Variants in MACROD2 observed in about 807,000 individuals in gnomAD.
MACROD2 encodes mono-ADP ribosylhydrolase 2.
MACROD2 carries 36 observed loss-of-function variants against 70.4 expected under a neutral mutation model. The ratio of observed to expected loss-of-function variants is 0.51; its 90% CI spans 0.39 to 0.68. The LOEUF (loss-of-function observed/expected upper bound fraction) is 0.68, where lower values mean the gene tolerates loss of function less well. Among genes scored for constraint, MACROD2 ranks in the 30% least tolerant of loss-of-function variants. MACROD2 has a pLI of 0.00. For synonymous variants in MACROD2, 172 were observed against 178.8 expected (o/e 0.96, Z 0.30); for missense variants, 496 against 538.4 (o/e 0.92, Z 0.78).
At chr20:14,764,462 G>T (rs1465562328) in intron 5 of MACROD2, among the ~76,000 whole-genome samples, 1 of 151,980 alleles carries the variant, frequency 6.6e-6, no homozygotes, top group African/African-American at 2.4e-5. Flanking sequence ...GATTCCATGT[G>T]TCTTTTTTTG....
chr20:14,377,762 T>A (rs1364877212), intron 3 of MACROD2, among the ~76,000 whole-genome samples: 1 of 152,202 alleles, frequency 6.6e-6, no homozygotes, highest in Non-Finnish European at 1.5e-5. Context: ...ACTTACAGAC[T>A]TTTTTTGCAA....
intron 6 of MACROD2, among the ~76,000 whole-genome samples, chr20:15,347,243 C>A (rs2078176891): frequency 6.6e-6 from 1 of 152,016 alleles, no homozygotes; most frequent in Non-Finnish European, 1.5e-5. Context: ...CTTTAATGAC[C>A]CTTGGCTTGA....
intron 10 of MACROD2, among the ~76,000 whole-genome samples, chr20:15,895,213 T>C (rs2064952367): frequency 6.6e-6 from 1 of 152,234 alleles, no homozygotes; most frequent in Non-Finnish European, 1.5e-5. Context: ...TCAGTTGCTT[T>C]GTTTAGGAAC....
intron 3 of MACROD2, among the ~76,000 whole-genome samples, chr20:14,088,638 G>A (rs2054112379): frequency 6.6e-6 from 1 of 152,004 alleles, no homozygotes; most frequent in Non-Finnish European, 1.5e-5. Flanking sequence ...AGATAACATT[G>A]AATTTGCCAC....
At chr20:14,912,188 A>C (rs536154505) in intron 5 of MACROD2, among the ~76,000 whole-genome samples, 1 of 152,158 alleles carries the variant, frequency 6.6e-6, no homozygotes, top group Non-Finnish European at 1.5e-5. Context: ...AAGGAGGGAG[A>C]GTAGCAGCTT....
At chr20:14,678,334 G>A (rs1316828672) in intron 4 of MACROD2, among the ~76,000 whole-genome samples, 1 of 152,154 alleles carries the variant, frequency 6.6e-6, no homozygotes, top group Non-Finnish European at 1.5e-5. Flanking sequence ...GGGAAGTACT[G>A]TCTTGCTCAT....
intron 5 of MACROD2, among the ~76,000 whole-genome samples, chr20:14,848,986 C>T (rs2073171656): frequency 6.6e-6 from 1 of 152,134 alleles, no homozygotes. Flanking sequence ...AGCATTCTGT[C>T]TCACTGAGAC....
rs1601494586 is a variant in MACROD2 at position 14,332,756 on chromosome 20, A to C, written c.272-160723A>C. ...GTAAAACCTTGAGACTAAAGAAAAC[A>C]CATGCCTAAACAAATGTATCCAACT... On this transcript the variant is annotated intron_variant, in intron 3 of 17. Transcript: ENST00000684519. 2.0e-5 allele frequency among the ~76,000 whole-genome samples: 3 copies of C among 152,262 alleles called. No homozygotes were observed. The East Asian group carries it at 5.8e-4, about 29-fold the overall frequency.
At chr20:15,536,897 G>C (rs2047882515) in intron 8 of MACROD2, among the ~76,000 whole-genome samples, 1 of 152,090 alleles carries the variant, frequency 6.6e-6, no homozygotes, top group African/African-American at 2.4e-5. Context: ...TCTTTGTATA[G>C]TCAGCAAAGG....
intron 5 of MACROD2, among the ~76,000 whole-genome samples, chr20:15,118,055 T>C (rs1047339299): frequency 1.3e-5 from 2 of 152,118 alleles, no homozygotes; most frequent in African/African-American, 4.8e-5. Context: ...ATGGGTACCC[T>C]TTTATGTTGC....
chr20:15,054,494 A>C (rs2075467287), intron 5 of MACROD2, among the ~76,000 whole-genome samples: 1 of 152,190 alleles, frequency 6.6e-6, no homozygotes, highest in South Asian at 2.1e-4. Context: ...TTTAGTAATA[A>C]AGTATTTTTT....
intron 15 of MACROD2, among the ~76,000 whole-genome samples, chr20:15,993,012 T>G (rs2066578681): frequency 6.6e-6 from 1 of 152,190 alleles, no homozygotes; most frequent in South Asian, 2.1e-4. Flanking sequence ...TTCAGAAAAT[T>G]AACCTTCTCT....
chr20:15,365,335 C>T (rs2045393406), intron 6 of MACROD2, among the ~76,000 whole-genome samples: 1 of 152,084 alleles, frequency 6.6e-6, no homozygotes, highest in African/African-American at 2.4e-5. Context: ...TGGAGCCTCT[C>T]TATCCAAACT....
intron 15 of MACROD2, among the ~76,000 whole-genome samples, chr20:16,021,035 A>G (rs538103378): frequency 2.0e-4 from 30 of 152,090 alleles, no homozygotes; most frequent in Non-Finnish European, 4.3e-4. Flanking sequence ...TCATCCACCA[A>G]CTGAATCAGT....
At chr20:15,289,749 A>G (rs945661850) in intron 6 of MACROD2, among the ~76,000 whole-genome samples, 1 of 152,246 alleles carries the variant, frequency 6.6e-6, no homozygotes, top group African/African-American at 2.4e-5. Flanking sequence ...GTAGAGGATC[A>G]TTTGAAAGAG....
At chr20:14,630,094 G>C (rs1984425520) in intron 4 of MACROD2, among the ~76,000 whole-genome samples, 1 of 152,088 alleles carries the variant, frequency 6.6e-6, no homozygotes, top group Non-Finnish European at 1.5e-5. Context: ...ACTTGTCTGA[G>C]ATTTCCTGGC....
At chr20:14,886,883 C>T (rs891777495) in intron 5 of MACROD2, among the ~76,000 whole-genome samples, 26 of 152,230 alleles carry the variant, frequency 1.7e-4, no homozygotes, top group East Asian at 1.2e-3. Flanking sequence ...ATCATGGCAG[C>T]CTTCTTTAAG....
At chr20:14,968,299 C>T (rs2122791291) in intron 5 of MACROD2, among the ~76,000 whole-genome samples, 1 of 152,248 alleles carries the variant, frequency 6.6e-6, no homozygotes, top group Admixed American at 6.5e-5. Flanking sequence ...CATTCAGCTG[C>T]TGTGGCAGAA....
chr20:15,542,128 G>C lies in MACROD2; in HGVS notation c.645+42281G>C, dbSNP rs115434144. 7.3e-3 allele frequency among the ~76,000 whole-genome samples: 1,117 copies of C among 152,294 alleles called. 23 individuals are homozygous for C. Among genetic ancestry groups the C allele is most frequent in the African/African-American group, 0.026 (1,063 of 41,546 alleles). On this transcript the variant is annotated intron_variant, in intron 8 of 17. Coordinates refer to ENST00000684519, the MANE Select transcript of MACROD2 (RefSeq NM_001351661.2). ...GGGTTATACAAAAAAAAGTATATCAGATAGTGCCTTCTATGGAGACAGTCA... is the reference window on the plus strand; with the variant it reads ...GGGTTATACAAAAAAAAGTATATCACATAGTGCCTTCTATGGAGACAGTCA...
Sources: allele counts gnomAD v4.1 joint callset (sites outside exome capture counted in the v4.1 genomes callset), GRCh38; gene constraint gnomAD v4.1.1; transcripts MANE v1.5; gene names NCBI Gene and HGNC (gene_info 2026-07-23, HGNC 2026-07-21).